DLC1: variants seen among roughly 807,000 people sequenced by gnomAD.
DLC1 encodes DLC1 Rho GTPase activating protein.
Under a neutral mutation model 140.3 loss-of-function variants are expected in DLC1, and 54 were observed. The observed-to-expected ratio is 0.38, with a 90% confidence interval of 0.31 to 0.48. The LOEUF (loss-of-function observed/expected upper bound fraction) is 0.48. Among genes scored for constraint, DLC1 ranks in the 20% least tolerant of loss-of-function variants. The pLI, the probability that DLC1 is intolerant of heterozygous loss-of-function variation, is 0.96. For missense variants in DLC1, 2,536 were observed against 1,907.0 expected (o/e 1.33, Z -6.14); for synonymous variants, 986 against 728.1 (o/e 1.35, Z -5.70).
chr8:13,093,169 T>C (rs1818227505), intron 12 of DLC1, among the ~76,000 whole-genome samples: 1 of 152,048 alleles, frequency 6.6e-6, no homozygotes, highest in African/African-American at 2.4e-5. Context: ...ATCCCTAATT[T>C]ATCAATCTCA....
chr8:13,137,058 A>C (rs868833088), intron 5 of DLC1, among the ~76,000 whole-genome samples: 1 of 152,226 alleles, frequency 6.6e-6, no homozygotes, highest in South Asian at 2.1e-4. Flanking sequence ...TTAAATCATC[A>C]TCCAAGAGAT....
chr8:13,237,997 A>G (rs1018805351), intron 5 of DLC1, among the ~76,000 whole-genome samples: 3 of 152,184 alleles, frequency 2.0e-5, no homozygotes, highest in Non-Finnish European at 4.4e-5. Flanking sequence ...AACAGGTGAA[A>G]ATGCCATCCT....
intron 5 of DLC1, among the ~76,000 whole-genome samples, chr8:13,132,205 C>CTGTGTGTGTGTGTGTG (rs147699066): frequency 1.1e-3 from 148 of 139,206 alleles, no homozygotes; most frequent in African/African-American, 3.2e-3. Flanking sequence ...AAAACCAAAA[C>CTGTGTGTGTGTGTGTG]TGTGTGTGTG....
chr8:13,088,493 A>G lies in DLC1; in HGVS notation c.4286T>C (p.Val1429Ala). Residue 1429 changes from valine to alanine, a missense_variant, in exon 16 of 18, where the codon GTT (valine) becomes GCT (alanine). Physicochemically the swap from Val to Ala is moderately conservative, Grantham distance 64 (BLOSUM62 0). Coordinates refer to ENST00000276297, the MANE Select transcript of DLC1 (RefSeq NM_182643.3). Reference protein sequence around the residue: ...MAPHPARDYVVLRTWRTNLPK... With the variant: ...MAPHPARDYVALRTWRTNLPK... ...ACAACTGGGAAGCGCTCACCTTAAA[A>G]CAACGTAGTCTCGAGCAGGATGAGG... is the stretch of plus-strand genomic sequence containing the variant. 6.2e-7 allele frequency: 1 copy of G among 1,614,218 alleles called. No homozygotes were observed. The highest frequency in any genetic ancestry group is 8.5e-7 in the Non-Finnish European group (1 of 1,180,040).
At chr8:13,104,458 C>A (rs1819384782) in intron 7 of DLC1, among the ~76,000 whole-genome samples, 1 of 151,992 alleles carries the variant, frequency 6.6e-6, no homozygotes, top group African/African-American at 2.4e-5. Flanking sequence ...GAATGACAGC[C>A]CTTCAAGGCC....
intron 5 of DLC1, among the ~76,000 whole-genome samples, chr8:13,196,561 G>T (rs1186721436): frequency 6.6e-6 from 1 of 152,122 alleles, no homozygotes; most frequent in Non-Finnish European, 1.5e-5. Context: ...CTAATTCTGT[G>T]ATTCTGTGGT....
At chr8:13,324,037 G>C (rs1485128708) in intron 4 of DLC1, among the ~76,000 whole-genome samples, 1 of 152,172 alleles carries the variant, frequency 6.6e-6, no homozygotes, top group Non-Finnish European at 1.5e-5. Flanking sequence ...GCCTGTTGGG[G>C]ACAGATCTGT....
chr8:13,561,992 A>C (rs1044186372), intron 1 of DLC1, among the ~76,000 whole-genome samples: 48 of 152,266 alleles, frequency 3.2e-4, no homozygotes, highest in Middle Eastern at 3.4e-3. Context: ...AAATCAATGG[A>C]AAAAGTACTA....
chr8:13,183,752 A>T (rs1826177131), intron 5 of DLC1, among the ~76,000 whole-genome samples: 1 of 152,176 alleles, frequency 6.6e-6, no homozygotes, highest in Admixed American at 6.5e-5. Context: ...ATCGATGTTC[A>T]TCAGGGATAT....
chr8:13,246,874 C>T (rs928082551), intron 5 of DLC1, among the ~76,000 whole-genome samples: 2 of 152,050 alleles, frequency 1.3e-5, no homozygotes, highest in African/African-American at 4.8e-5. Context: ...CCAATGCACC[C>T]CATCATTTAG....
intron 4 of DLC1, among the ~76,000 whole-genome samples, chr8:13,312,657 T>C (rs1476817810): frequency 6.6e-6 from 1 of 152,130 alleles, no homozygotes; most frequent in Non-Finnish European, 1.5e-5. Flanking sequence ...CTATTAAAAT[T>C]AATGAATATA....
chr8:13,335,870 C>T (rs115848915), intron 4 of DLC1, among the ~76,000 whole-genome samples: 6 of 150,912 alleles, frequency 4.0e-5, no homozygotes, highest in African/African-American at 1.5e-4. Flanking sequence ...CACACTAAGT[C>T]ATGTGTAATC....
At chr8:13,327,908 C>G (rs10091884) in intron 4 of DLC1, among the ~76,000 whole-genome samples, 128,216 of 151,940 alleles carry the variant, frequency 0.84, 54,704 homozygotes, top group East Asian at 0.95. Context: ...ACTAACATTT[C>G]ATTTGACACC....
intron 4 of DLC1, among the ~76,000 whole-genome samples, chr8:13,391,171 G>A (rs992696913): frequency 6.8e-6 from 1 of 147,298 alleles, no homozygotes; most frequent in Non-Finnish European, 1.5e-5. Flanking sequence ...GGACAGAGCT[G>A]CATGTGTATT....
rs1188685692 is a variant in DLC1 at position 13,498,920 on chromosome 8, A to T, written c.1023+129T>A. 22 of 1,118,262 alleles carry T rather than the reference A, an allele frequency of 2.0e-5. 1 individual carries two copies. The South Asian group carries it at 3.8e-4, about 19-fold the overall frequency. 69.3% of individuals were successfully genotyped at this position (1,118,262 alleles called of 1,614,324 possible). A position where few individuals can be genotyped will look rare whatever the true frequency, so the allele number is the denominator to read the frequency against. On this transcript the variant is annotated intron_variant, in intron 2 of 17. Transcript: ENST00000276297. ...GTTTGACCAAGTGGGTAGTCGTTGA[A>T]TTACACATCTGCATAACAGGGCAAA...
At chr8:13,135,241 G>A (rs1822474901) in intron 5 of DLC1, among the ~76,000 whole-genome samples, 1 of 144,664 alleles carries the variant, frequency 6.9e-6, no homozygotes, top group Admixed American at 7.0e-5. Flanking sequence ...GTCTCGCTGT[G>A]TCGCCCAGGC....
intron 5 of DLC1, among the ~76,000 whole-genome samples, chr8:13,281,776 G>C (rs1831373844): frequency 6.6e-6 from 1 of 152,158 alleles, no homozygotes; most frequent in South Asian, 2.1e-4. Context: ...AAGAGAGAAG[G>C]ACTTCCTTTT....
chr8:13,283,328 A>G (rs1213174065), intron 5 of DLC1, among the ~76,000 whole-genome samples: 1 of 151,880 alleles, frequency 6.6e-6, no homozygotes, highest in Non-Finnish European at 1.5e-5. Flanking sequence ...ACACACACAG[A>G]AAAGAAATCA....
At chr8:13,375,678 G>A (rs1003607055) in intron 4 of DLC1, among the ~76,000 whole-genome samples, 13 of 152,014 alleles carry the variant, frequency 8.6e-5, no homozygotes, top group Admixed American at 3.3e-4. Flanking sequence ...TTTGAGATAC[G>A]TATCTTCTAT....
Sources: allele counts gnomAD v4.1 joint callset (sites outside exome capture counted in the v4.1 genomes callset), GRCh38; gene constraint gnomAD v4.1.1; transcripts MANE v1.5; gene names NCBI Gene and HGNC (gene_info 2026-07-23, HGNC 2026-07-21).